Variants in ROBO2 observed in about 807,000 individuals in gnomAD.
ROBO2 encodes the protein roundabout guidance receptor 2, also known as roundabout homolog 2.
A neutral mutation model predicts 160.8 loss-of-function variants in ROBO2; 53 were observed. The observed-to-expected ratio is 0.33, with a 90% CI of 0.26 to 0.41. The LOEUF (loss-of-function observed/expected upper bound fraction) is 0.41. Among genes scored for constraint, ROBO2 ranks in the 10% least tolerant of loss-of-function variants. The pLI is 1.00. For missense variants in ROBO2, 1,577 were observed against 1,722.4 expected, an observed-to-expected ratio of 0.92 and a Z score of 1.49; for synonymous variants, 664 against 611.7, an observed-to-expected ratio of 1.09 and a Z score of -1.26.
chr3:77,491,790 G>C (rs1391615634), intron 4 of ROBO2, among the ~76,000 whole-genome samples: 1 of 151,924 alleles, frequency 6.6e-6, no homozygotes, highest in Non-Finnish European at 1.5e-5. Context: ...TGGGATTTTT[G>C]AGTCCCAGAG....
intron 2 of ROBO2, among the ~76,000 whole-genome samples, chr3:76,047,494 T>C (rs984773527): frequency 6.6e-6 from 1 of 152,198 alleles, no homozygotes; most frequent in Non-Finnish European, 1.5e-5. Context: ...CAGTGGAGAT[T>C]GACAGCACTG....
chr3:77,039,453 A>T (rs2063851841), upstream of ROBO2, among the ~76,000 whole-genome samples: 1 of 152,258 alleles, frequency 6.6e-6, no homozygotes, highest in Admixed American at 6.5e-5. Flanking sequence ...GCTTCCATGA[A>T]ATCACTCACG....
At chr3:76,833,003 A>C (rs1313134200) in intron 2 of ROBO2, among the ~76,000 whole-genome samples, 2 of 152,186 alleles carry the variant, frequency 1.3e-5, no homozygotes, top group Non-Finnish European at 2.9e-5. Context: ...GTTAAAGTTC[A>C]ATTTTAGGGA....
At position 77,152,291 on chromosome 3, in the gene ROBO2, A is replaced by G. The variant is rs150098217; in HGVS notation, c.388+53951A>G. On this transcript the variant is annotated intron_variant, in intron 2 of 25. Transcript: ENST00000461745. ...TAGGTTCCATAGTAAAGAGGAAAACAAAACAGCTAAAATTAATTTAATACT... is the reference window on the plus strand; with the variant it reads ...TAGGTTCCATAGTAAAGAGGAAAACGAAACAGCTAAAATTAATTTAATACT... Among the ~76,000 whole-genome samples, 355 of 152,360 alleles carry G rather than the reference A, an allele frequency of 2.3e-3. 1 individual carries two copies. Among genetic ancestry groups the G allele is most frequent in the Non-Finnish European group, 3.9e-3 (268 of 68,034 alleles).
chr3:77,273,131 C>G (rs1347398671), intron 2 of ROBO2, among the ~76,000 whole-genome samples: 2 of 151,970 alleles, frequency 1.3e-5, no homozygotes, highest in African/African-American at 4.8e-5. Context: ...CGTCTAGTAG[C>G]CCCCACTGTC....
At chr3:76,237,150 T>A (rs2107498312) in intron 2 of ROBO2, among the ~76,000 whole-genome samples, 1 of 152,264 alleles carries the variant, frequency 6.6e-6, no homozygotes, top group Middle Eastern at 3.4e-3. Flanking sequence ...AAGCCATTAG[T>A]TGTGCCTCCT....
chr3:77,218,412 T>A (rs2151169901), intron 2 of ROBO2, among the ~76,000 whole-genome samples: 1 of 151,752 alleles, frequency 6.6e-6, no homozygotes, highest in East Asian at 1.9e-4. Context: ...TCTCACTCTG[T>A]AACCTAAGCT....
chr3:77,493,451 A>G, intron 5 of ROBO2, 69 bp downstream of exon 5: 2 of 1,532,042 alleles, frequency 1.3e-6, no homozygotes, highest in Non-Finnish European at 1.8e-6. Flanking sequence ...AAGGACAGCT[A>G]CAATGCCACC....
chr3:77,108,819 G>A (rs1047029873), intron 2 of ROBO2, among the ~76,000 whole-genome samples: 1 of 152,168 alleles, frequency 6.6e-6, no homozygotes, highest in Non-Finnish European at 1.5e-5. Context: ...TAGATGTAGG[G>A]TAGTAGAGGG....
At chr3:75,922,554 A>G (rs1216305484) in intron 1 of ROBO2, among the ~76,000 whole-genome samples, 3 of 152,068 alleles carry the variant, frequency 2.0e-5, no homozygotes, top group Non-Finnish European at 4.4e-5. Context: ...TAGTCCAATA[A>G]AAAAAGACAA....
At chr3:77,407,631 A>G (rs1238024004) in intron 2 of ROBO2, among the ~76,000 whole-genome samples, 1 of 152,194 alleles carries the variant, frequency 6.6e-6, no homozygotes, top group Non-Finnish European at 1.5e-5. Flanking sequence ...GGAGTTAATT[A>G]AGGTGAAACA....
chr3:75,957,706 T>G (rs570794352), intron 2 of ROBO2, among the ~76,000 whole-genome samples: 45 of 138,408 alleles, frequency 3.3e-4, no homozygotes, highest in Middle Eastern at 3.7e-3. Flanking sequence ...ACTAAGAGGG[T>G]TTTTTTTTTT....
intron 2 of ROBO2, among the ~76,000 whole-genome samples, chr3:76,241,721 C>T (rs1427448916): frequency 6.6e-6 from 1 of 152,128 alleles, no homozygotes; most frequent in Non-Finnish European, 1.5e-5. Flanking sequence ...CTAATTGTGT[C>T]TCTTACATAT....
At chr3:76,337,021 A>AG (rs1464104872) in intron 2 of ROBO2, among the ~76,000 whole-genome samples, 2 of 152,198 alleles carry the variant, frequency 1.3e-5, no homozygotes, top group Non-Finnish European at 2.9e-5. Context: ...GGCTTTGTAG[A>AG]GAAAAAAAGA....
intron 2 of ROBO2, among the ~76,000 whole-genome samples, chr3:76,631,152 AG>A (rs1194129779): frequency 6.6e-6 from 1 of 152,210 alleles, no homozygotes. Flanking sequence ...GGCAGGCTAT[AG>A]TACATTTTAT....
intron 2 of ROBO2, among the ~76,000 whole-genome samples, chr3:77,219,468 G>GTATATATATATATATATA (rs34026358): frequency 7.4e-5 from 9 of 122,238 alleles, no homozygotes; most frequent in Non-Finnish European, 1.4e-4. Flanking sequence ...ATGTATCTGT[G>GTATATATATATATATATA]TATATATATA....
At chr3:76,801,237 A>C (rs2064174588) in intron 2 of ROBO2, among the ~76,000 whole-genome samples, 1 of 152,184 alleles carries the variant, frequency 6.6e-6, no homozygotes, top group Non-Finnish European at 1.5e-5. Flanking sequence ...AGAGTAGAGT[A>C]GTATGACAGT....
At chr3:77,610,750 A>AC (rs2094615635) in intron 21 of ROBO2, among the ~76,000 whole-genome samples, 1 of 145,640 alleles carries the variant, frequency 6.9e-6, no homozygotes, top group Non-Finnish European at 1.5e-5. Context: ...CCAAAAAAAA[A>AC]AAAAAAAAAA....
intron 4 of ROBO2, among the ~76,000 whole-genome samples, chr3:77,487,228 G>A (rs891933273): frequency 3.3e-5 from 5 of 151,974 alleles, no homozygotes; most frequent in African/African-American, 4.8e-5. Context: ...GATTGTTGTC[G>A]GCAATATAAT....
Sources: allele counts gnomAD v4.1 joint callset (sites outside exome capture counted in the v4.1 genomes callset), GRCh38; gene constraint gnomAD v4.1.1; transcripts MANE v1.5; gene names NCBI Gene and HGNC (gene_info 2026-07-23, HGNC 2026-07-21).